OSBPL3: variants seen among roughly 807,000 people sequenced by gnomAD.
OSBPL3 encodes oxysterol-binding protein-related protein 3.
A neutral mutation model predicts 120.1 loss-of-function variants in OSBPL3; 65 were observed. The observed-to-expected ratio is 0.54, with a 90% confidence interval of 0.44 to 0.67. The LOEUF (loss-of-function observed/expected upper bound fraction) is 0.67, where lower values mean the gene tolerates loss of function less well. OSBPL3 is among the 30% of genes least tolerant of loss of function. The pLI, the probability that OSBPL3 is intolerant of heterozygous loss-of-function variation, is 0.00. For synonymous variants in OSBPL3, 416 were observed against 402.6 expected (o/e 1.03, Z -0.40); for missense variants, 1,004 against 1,082.1 (o/e 0.93, Z 1.01).
intron 1 of OSBPL3, among the ~76,000 whole-genome samples, chr7:24,924,526 C>T (rs1286795436): frequency 4.6e-5 from 7 of 152,140 alleles, no homozygotes; most frequent in African/African-American, 1.4e-4. Flanking sequence ...TAAGAATTGC[C>T]GTCATCTGGC....
intron 16 of OSBPL3, among the ~76,000 whole-genome samples, chr7:24,823,291 T>A (rs1187019015): frequency 6.6e-6 from 1 of 151,976 alleles, no homozygotes; most frequent in Non-Finnish European, 1.5e-5. Context: ...CTGATGTGGA[T>A]TAGGCAGAGA....
Position 24,834,573 on chromosome 7 carries a change from C to T in OSBPL3, c.1659G>A (p.Leu553=). 6.2e-7 allele frequency: 1 copy of T among 1,614,154 alleles called. No homozygotes were observed. The highest frequency in any genetic ancestry group is 1.3e-5 in the African/African-American group (1 of 75,012). Residue 553 remains leucine (L), a synonymous_variant, in exon 15 of 23, where the codon CTG becomes CTA. Transcript: ENST00000313367. The surrounding 1 kb of genome is among the most constrained non-coding windows in gnomAD (Gnocchi z 5.2). ...VAMPVELNEP[L]NTLQRLCEEL... is the part of the protein sequence containing the mutation. Reference sequence around the variant, plus strand: ...CCTCGCAGAGCCTCTGCAGCGTGTTCAGGGGCTCGTTCAGCTCCACCGGCA... The same window carrying T: ...CCTCGCAGAGCCTCTGCAGCGTGTTTAGGGGCTCGTTCAGCTCCACCGGCA...
chr7:24,902,310 G>A (rs1250319707), intron 1 of OSBPL3, among the ~76,000 whole-genome samples: 4 of 152,030 alleles, frequency 2.6e-5, no homozygotes, highest in African/African-American at 9.7e-5. Flanking sequence ...AAAATTCACA[G>A]GTCTCCACAC....
intron 2 of OSBPL3, among the ~76,000 whole-genome samples, chr7:24,878,643 T>C (rs1803194763): frequency 6.6e-6 from 1 of 152,232 alleles, no homozygotes; most frequent in Admixed American, 6.5e-5. Flanking sequence ...AGTTGTTGTT[T>C]CTTGTTAAAT....
chr7:24,815,686 C>T lies in OSBPL3; in HGVS notation c.2028-483G>A, dbSNP rs562721719. On this transcript the variant is annotated intron_variant, in intron 18 of 22. Transcript: ENST00000313367. This position sits in a 1 kb window ranked among gnomAD's most constrained non-coding sequence, Gnocchi z 5.1. ...GAGGAAAATGGTATTAATAATAAGA[C>T]CAGATACTTACAAAACATATGCAAT... 2.0e-5 allele frequency among the ~76,000 whole-genome samples: 3 copies of T among 152,264 alleles called. No individual in the cohort carries two copies. The highest frequency in any genetic ancestry group is 7.2e-5 in the African/African-American group (3 of 41,542).
rs916009436 is a variant in OSBPL3, at chr7:24,852,968, G to T, written c.1028-334C>A. 6.6e-6 allele frequency among the ~76,000 whole-genome samples: 1 copy of T among 152,130 alleles called. No homozygotes were observed. The highest frequency in any genetic ancestry group is 1.5e-5 in the Non-Finnish European group (1 of 68,032). ...AGCTCTGCACTTTTGGTTCAATTTT[G>T]CTATGGACCTAAAACTGCTAGAAAA... On this transcript the variant is annotated intron_variant, in intron 10 of 22. Coordinates refer to ENST00000313367, the MANE Select transcript of OSBPL3 (RefSeq NM_015550.4). The surrounding 1 kb of genome is among the most constrained non-coding windows in gnomAD (Gnocchi z 4.1).
chr7:24,848,700 G>C (rs739708), intron 12 of OSBPL3, among the ~76,000 whole-genome samples: 13,806 of 152,052 alleles, frequency 0.091, 1,038 homozygotes, highest in East Asian at 0.21. Flanking sequence ...AGGGAACCAA[G>C]ATACTGCAGG....
At position 24,940,525 on chromosome 7, in the gene OSBPL3, A is replaced by G. The variant is rs2128481084; in HGVS notation, c.-150+39361T>C. On this transcript the variant is annotated intron_variant, in intron 1 of 22. Transcript: ENST00000313367. This position sits in a 1 kb window ranked among gnomAD's most constrained non-coding sequence, Gnocchi z 4.4. ...GAGTCTGAAGAAAAGGTTTAGTGAG[A>G]GAAAGCAGATGGGAAAGACAGGGGC... Among the ~76,000 whole-genome samples the G allele has an allele frequency of 6.6e-6, 1 of 152,308 alleles. No homozygotes were observed. Among genetic ancestry groups the G allele is most frequent in the South Asian group, 2.1e-4 (1 of 4,832 alleles).
At chr7:24,925,210 A>G (rs1810899103) in intron 1 of OSBPL3, among the ~76,000 whole-genome samples, 1 of 152,214 alleles carries the variant, frequency 6.6e-6, no homozygotes, top group Non-Finnish European at 1.5e-5. Flanking sequence ...TACCGCTGTG[A>G]TAACAAACCT....
chr7:24,826,199 G>A (rs1795687487), intron 16 of OSBPL3, among the ~76,000 whole-genome samples: 1 of 152,206 alleles, frequency 6.6e-6, no homozygotes, highest in Non-Finnish European at 1.5e-5. Context: ...AGTAAGGAAA[G>A]AAGGGAAGTC....
At chr7:24,920,410 C>T (rs1259258304) in intron 1 of OSBPL3, among the ~76,000 whole-genome samples, 1 of 151,968 alleles carries the variant, frequency 6.6e-6, no homozygotes, top group Non-Finnish European at 1.5e-5. Context: ...TTGTATGATT[C>T]CATTTATATA....
At chr7:24,828,992 T>A (rs1332045820) in intron 16 of OSBPL3, among the ~76,000 whole-genome samples, 1 of 152,194 alleles carries the variant, frequency 6.6e-6, no homozygotes, top group African/African-American at 2.4e-5. Flanking sequence ...GCCCAGGAGC[T>A]CTGATTTCTC....
In OSBPL3 at chr7:24,979,937, G is replaced by A. The variant is rs562400139; in HGVS notation, c.-201C>T. 3.1e-6 allele frequency: 3 copies of A among 975,694 alleles called. No homozygotes were observed. Among genetic ancestry groups the A allele is most frequent in the South Asian group, 4.8e-5 (1 of 20,952 alleles). 60.4% of individuals were successfully genotyped at this position (975,694 alleles called of 1,614,324 possible). Reference sequence around the variant, plus strand: ...CCCTAGTTCCCCGGGGCCGGGCTCCGGGGTTAGCGCACAGAACCGGGAGAA... The same window carrying A: ...CCCTAGTTCCCCGGGGCCGGGCTCCAGGGTTAGCGCACAGAACCGGGAGAA... On this transcript the variant is annotated 5_prime_UTR_variant, in exon 1 of 23. Transcript: ENST00000313367.
At position 24,862,791 on chromosome 7, in the gene OSBPL3, G is replaced by C. The variant is rs928986060; in HGVS notation, c.870+409C>G. Among the ~76,000 whole-genome samples the C allele has an allele frequency of 2.6e-5, 4 of 152,132 alleles. No individual in the cohort carries two copies. Among genetic ancestry groups the C allele is most frequent in the African/African-American group, 4.8e-5 (2 of 41,426 alleles). ...TGTGCCCAGAGAATCAGGCCTGTGGGCTTAGAGGGATGACAAATCCATGGA... is the reference window on the plus strand; with the variant it reads ...TGTGCCCAGAGAATCAGGCCTGTGGCCTTAGAGGGATGACAAATCCATGGA... On this transcript the variant is annotated intron_variant, in intron 9 of 22. Coordinates refer to ENST00000313367, the MANE Select transcript of OSBPL3 (RefSeq NM_015550.4). This position sits in a 1 kb window ranked among gnomAD's most constrained non-coding sequence, Gnocchi z 4.4.
Position 24,863,078 on chromosome 7 carries a change from A to T in OSBPL3, c.870+122T>A. On this transcript the variant is annotated intron_variant, in intron 9 of 22. Coordinates refer to ENST00000313367, the MANE Select transcript of OSBPL3 (RefSeq NM_015550.4). This position sits in a 1 kb window ranked among gnomAD's most constrained non-coding sequence, Gnocchi z 5.8. The stretch of plus-strand genomic sequence containing the variant: ...TTCATCTCGCTACAGAGGACACTGG[A>T]AAGAACAACTACAGAATATTCACTC... 1.4e-6 allele frequency: 1 copy of T among 712,186 alleles called. No individual in the cohort carries two copies. Among genetic ancestry groups the T allele is most frequent in the East Asian group, 2.6e-5 (1 of 39,206 alleles). 44.1% of individuals were successfully genotyped at this position (712,186 alleles called of 1,614,324 possible).
chr7:24,883,678 C>G lies in OSBPL3; in HGVS notation c.96+8699G>C, dbSNP rs1181289061. The stretch of plus-strand genomic sequence containing the variant: ...TTCCAGGATTGCAGAACAATACAGA[C>G]AGTTCAGCAACTTTCTGGAAGTGTT... On this transcript the variant is annotated intron_variant, in intron 2 of 22. Transcript: ENST00000313367. The surrounding 1 kb of genome is among the most constrained non-coding windows in gnomAD (Gnocchi z 5.4). Among the ~76,000 whole-genome samples the G allele has an allele frequency of 3.9e-5, 6 of 152,178 alleles. No individual in the cohort carries two copies. Among genetic ancestry groups the G allele is most frequent in the Non-Finnish European group, 5.9e-5 (4 of 68,038 alleles).
intron 1 of OSBPL3, among the ~76,000 whole-genome samples, chr7:24,904,181 C>A (rs1360484756): frequency 1.3e-5 from 2 of 152,166 alleles, no homozygotes; most frequent in African/African-American, 4.8e-5. Context: ...CTGCACCTGG[C>A]CACTGGATGT....
Position 24,877,707 on chromosome 7 carries a change from G to A in OSBPL3, c.97-5638C>T, listed in dbSNP as rs540105958. ...TGGATTAGAGTGAGTTGGCACTCAG[G>A]ACAGAAAACAAGAGGGATGTTGGTT... On this transcript the variant is annotated intron_variant, in intron 2 of 22. Transcript: ENST00000313367. This position sits in a 1 kb window ranked among gnomAD's most constrained non-coding sequence, Gnocchi z 4.8. Among the ~76,000 whole-genome samples, 4 of 152,172 alleles carry A rather than the reference G, an allele frequency of 2.6e-5. No homozygotes were observed. The highest frequency in any genetic ancestry group is 5.9e-5 in the Non-Finnish European group (4 of 68,026).
chr7:24,872,456 T>A lies in OSBPL3; in HGVS notation c.97-387A>T, dbSNP rs746300150. On this transcript the variant is annotated intron_variant, in intron 2 of 22. Coordinates refer to ENST00000313367, the MANE Select transcript of OSBPL3 (RefSeq NM_015550.4). The surrounding 1 kb of genome is among the most constrained non-coding windows in gnomAD (Gnocchi z 4.1). ...AATTTTAACCGAAAGAGAGTGTGTG[T>A]GTGTGTGTGTGTGTGTGTGTGTGTG... Among the ~76,000 whole-genome samples, 227 of 146,694 alleles carry A rather than the reference T, an allele frequency of 1.5e-3. 1 individual carries two copies. Among genetic ancestry groups the A allele is most frequent in the Middle Eastern group, 3.8e-3 (1 of 264 alleles).
Sources: allele counts gnomAD v4.1 joint callset (sites outside exome capture counted in the v4.1 genomes callset), GRCh38; gene constraint gnomAD v4.1.1; non-coding constraint Gnocchi (gnomAD v3.1); transcripts MANE v1.5; gene names NCBI Gene and HGNC (gene_info 2026-07-23, HGNC 2026-07-21).